MINDY4: variants seen among roughly 807,000 people sequenced by gnomAD.
The protein encoded by MINDY4 is probable ubiquitin carboxyl-terminal hydrolase MINDY-4.
In MINDY4, 68 loss-of-function variants were observed where a neutral mutation model predicts 87.0. The ratio of observed to expected loss-of-function variants is 0.78; its 90% CI spans 0.64 to 0.96. The LOEUF (loss-of-function observed/expected upper bound fraction) is 0.96. Among genes scored for constraint, MINDY4 ranks in the 40% least tolerant of loss-of-function variants. The pLI is 0.00. For synonymous variants in MINDY4, 379 were observed against 363.2 expected, an observed-to-expected ratio of 1.04 and a Z score of -0.50; for missense variants, 919 against 928.2, an observed-to-expected ratio of 0.99 and a Z score of 0.13.
chr7:30,858,512 G>T (rs1223448727), intron 12 of MINDY4: 20 of 152,100 alleles, frequency 1.3e-4, no homozygotes, highest in Admixed American at 1.3e-3. Flanking sequence ...AACCAGAGTT[G>T]GGAGGAGGAC....
intron 9 of MINDY4, among the ~76,000 whole-genome samples, chr7:30,843,593 A>ACCCCCC (rs1789107929): frequency 7.3e-6 from 1 of 137,698 alleles, no homozygotes; most frequent in South Asian, 2.5e-4. Context: ...GGTTTTTGTT[A>ACCCCCC]CCCCACCCCC....
At chr7:30,824,943 G>T (rs1584280021) in intron 5 of MINDY4, among the ~76,000 whole-genome samples, 6 of 151,828 alleles carry the variant, frequency 4.0e-5, no homozygotes, top group Admixed American at 3.9e-4. Flanking sequence ...GTCCCATGGA[G>T]CCCAGAACAC....
At chr7:30,888,725 T>G (rs550589182) in intron 17 of MINDY4, among the ~76,000 whole-genome samples, 1 of 152,256 alleles carries the variant, frequency 6.6e-6, no homozygotes, top group African/African-American at 2.4e-5. Context: ...AAAATGTCTC[T>G]GCTTTGATTT....
At chr7:30,844,807 G>C (rs1030259152) in intron 9 of MINDY4, among the ~76,000 whole-genome samples, 24 of 152,184 alleles carry the variant, frequency 1.6e-4, no homozygotes, top group Non-Finnish European at 3.4e-4. Flanking sequence ...CCTGGATTAT[G>C]GTTGTGTGGA....
chr7:30,854,750 C>CACAG (rs1484667180), intron 12 of MINDY4, among the ~76,000 whole-genome samples: 1 of 152,222 alleles, frequency 6.6e-6, no homozygotes, highest in Admixed American at 6.5e-5. Context: ...AAGGCCTGGG[C>CACAG]ACAGCCCTGG....
chr7:30,882,305 A>G lies in MINDY4; in HGVS notation c.2096A>G (p.Asp699Gly), dbSNP rs762476104. The G allele has an allele frequency of 6.2e-7, 1 of 1,613,596 alleles. No homozygotes were observed. Among genetic ancestry groups the G allele is most frequent in the South Asian group, 1.1e-5 (1 of 91,056 alleles). Reference protein sequence around the residue: ...LRDWRTERLFDLYYYDGLANQ... With the variant: ...LRDWRTERLFGLYYYDGLANQ... Reference sequence around the variant, plus strand: ...GACTGGAGGACTGAGAGGCTCTTTGACTTGTACTACTACGATGGCCTGGCC... The same window carrying G: ...GACTGGAGGACTGAGAGGCTCTTTGGCTTGTACTACTACGATGGCCTGGCC... Residue 699 changes from aspartate to glycine, a missense_variant, in exon 16 of 18, where the codon GAC becomes GGC. Coordinates refer to ENST00000265299, the MANE Select transcript of MINDY4 (RefSeq NM_032222.3).
intron 6 of MINDY4, among the ~76,000 whole-genome samples, chr7:30,836,029 T>C (rs180955286): frequency 2.6e-3 from 392 of 152,266 alleles, no homozygotes; most frequent in Admixed American, 4.4e-3. Context: ...CACTTTCCAT[T>C]TGATTGATTT....
chr7:30,874,910 A>G (rs1790212980), intron 14 of MINDY4, among the ~76,000 whole-genome samples: 2 of 152,338 alleles, frequency 1.3e-5, no homozygotes, highest in South Asian at 4.1e-4. Context: ...GGTGAAGGGT[A>G]CACAGGAACT....
intron 13 of MINDY4, among the ~76,000 whole-genome samples, chr7:30,869,662 G>A (rs375619928): frequency 6.6e-6 from 1 of 151,990 alleles, no homozygotes; most frequent in African/African-American, 2.4e-5. Context: ...ATTGCATTAG[G>A]GCCTACCCTA....
chr7:30,799,801 T>C (rs1056475233), intron 5 of MINDY4, among the ~76,000 whole-genome samples: 5 of 152,048 alleles, frequency 3.3e-5, no homozygotes, highest in Non-Finnish European at 7.4e-5. Flanking sequence ...ATGTAATTTG[T>C]TGGGGGCATG....
chr7:30,784,161 AAGC>A (rs3076405), intron 3 of MINDY4, among the ~76,000 whole-genome samples: 90,485 of 151,422 alleles, frequency 0.6, 27,599 homozygotes, highest in South Asian at 0.74. Flanking sequence ...GGCTATGAAG[AAGC>A]TCTTCCTCCG....
intron 5 of MINDY4, among the ~76,000 whole-genome samples, chr7:30,807,113 G>A (rs954825524): frequency 2.0e-5 from 3 of 152,210 alleles, no homozygotes; most frequent in African/African-American, 4.8e-5. Context: ...AGTCCCAGAT[G>A]GAAACCGAGA....
At chr7:30,833,955 C>T (rs895251461) in intron 6 of MINDY4, among the ~76,000 whole-genome samples, 12 of 152,370 alleles carry the variant, frequency 7.9e-5, no homozygotes, top group African/African-American at 2.6e-4. Context: ...CAGCTCTGCC[C>T]CTGTGGCTTT....
At chr7:30,857,351 G>A (rs1789606393) in intron 12 of MINDY4, among the ~76,000 whole-genome samples, 1 of 152,030 alleles carries the variant, frequency 6.6e-6, no homozygotes, top group South Asian at 2.1e-4. Context: ...GTTTTTGAAG[G>A]AGCCTGCATT....
chr7:30,866,071 ACTGAG>A (rs1260639746), intron 13 of MINDY4, among the ~76,000 whole-genome samples: 1 of 152,214 alleles, frequency 6.6e-6, no homozygotes, highest in Non-Finnish European at 1.5e-5. Context: ...AGTCACAGCC[ACTGAG>A]CTGTGAGGAC....
chr7:30,881,834 G>A (rs1332658220), intron 15 of MINDY4, among the ~76,000 whole-genome samples: 3 of 152,202 alleles, frequency 2.0e-5, no homozygotes, highest in Non-Finnish European at 2.9e-5. Flanking sequence ...GCAGGTTGGA[G>A]GCTGAGTAGA....
rs55665201 is a variant in MINDY4, at chr7:30,836,397, A to G, written c.1133-261A>G. Among the ~76,000 whole-genome samples the G allele has an allele frequency of 5.5e-3, 844 of 152,294 alleles. 8 individuals carry two copies. Among genetic ancestry groups the G allele is most frequent in the African/African-American group, 0.02 (813 of 41,574 alleles). On this transcript the variant is annotated intron_variant, in intron 6 of 17. Transcript: ENST00000265299. ...GGAACTTTCTAGTGGACCAGTAGCT[A>G]AGTCTCACTCGGCAACATCCTCGTG...
intron 4 of MINDY4, among the ~76,000 whole-genome samples, chr7:30,788,075 C>T (rs902002231): frequency 2.6e-5 from 4 of 152,290 alleles, no homozygotes; most frequent in East Asian, 1.9e-4. Flanking sequence ...ATCTCTTTAA[C>T]GTCTTGTTTA....
intron 5 of MINDY4, among the ~76,000 whole-genome samples, chr7:30,793,139 T>A (rs562840439): frequency 0.019 from 1,947 of 101,838 alleles, 32 homozygotes; most frequent in Admixed American, 0.026. Flanking sequence ...TATATATATA[T>A]TATATATATT....
Sources: allele counts gnomAD v4.1 joint callset (sites outside exome capture counted in the v4.1 genomes callset), GRCh38; gene constraint gnomAD v4.1.1; transcripts MANE v1.5; gene names NCBI Gene and HGNC (gene_info 2026-07-23, HGNC 2026-07-21).